Variants in INPP5B observed in about 807,000 individuals in gnomAD.
INPP5B encodes inositol polyphosphate-5-phosphatase B.
INPP5B carries 90 observed loss-of-function variants against 118.5 expected under a neutral mutation model. The ratio of observed to expected loss-of-function variants is 0.76; its 90% CI spans 0.64 to 0.90. INPP5B has a LOEUF of 0.90. INPP5B is among the 40% of genes least tolerant of loss of function. The probability of loss-of-function intolerance (pLI) is 0.00; values close to 1 mark genes in which losing one functional copy is unlikely to be tolerated. For missense variants in INPP5B, 984 were observed against 1,125.6 expected (o/e 0.87, Z 1.80); for synonymous variants, 385 against 418.9 (o/e 0.92, Z 0.99).
At chr1:37,874,695 C>T (rs139858097) in intron 17 of INPP5B, among the ~76,000 whole-genome samples, 174 of 152,268 alleles carry the variant, frequency 1.1e-3, no homozygotes, top group Non-Finnish European at 1.9e-3. Context: ...TACTGGGAGG[C>T]GGAGACAGGA....
At chr1:37,902,916 G>A (rs904767989) in intron 7 of INPP5B, among the ~76,000 whole-genome samples, 5 of 151,926 alleles carry the variant, frequency 3.3e-5, no homozygotes, top group East Asian at 1.9e-4. Flanking sequence ...CAGGGAGCTC[G>A]AGGCTGCAGT....
At chr1:37,927,615 C>G (rs1303795644) in intron 7 of INPP5B, among the ~76,000 whole-genome samples, 4 of 151,530 alleles carry the variant, frequency 2.6e-5, no homozygotes, top group African/African-American at 9.7e-5. Flanking sequence ...CAGCTCACTG[C>G]AAGCTCTGCC....
At chr1:37,862,502 A>T in intron 23 of INPP5B, 72 bp from the exon 24 acceptor site, 1 of 917,174 alleles carries the variant, frequency 1.1e-6, no homozygotes, top group Non-Finnish European at 1.8e-6. Flanking sequence ...ACTTAACGAC[A>T]GGGATATGTT....
intron 13 of INPP5B, chr1:37,883,146 C>T: frequency 1.0e-6 from 1 of 985,382 alleles, no homozygotes; most frequent in Non-Finnish European, 1.2e-6. Flanking sequence ...TTGTGTTCTC[C>T]TTAGCTATTT....
At position 37,862,424 on chromosome 1, in the gene INPP5B, A is replaced by G; in HGVS notation, c.2633T>C (p.Ile878Thr). ...GTTTCGAAGCAATAAGCTGCCAAAT[A>G]TGCTAGCTGCAAGAAAAAACACAGA... ...NHLDENILAS[I>T]FGSLLLRNPA... The change falls in exon 24 of 24, where the codon ATA becomes ACA. Residue 878 changes from isoleucine to threonine, a missense_variant. Coordinates refer to ENST00000373024, the MANE Select transcript of INPP5B (RefSeq NM_005540.3). 3 of 1,604,276 alleles carry G rather than the reference A, an allele frequency of 1.9e-6. No homozygotes were observed. Among genetic ancestry groups the G allele is most frequent in the Non-Finnish European group, 2.6e-6 (3 of 1,171,084 alleles).
chr1:37,931,856 C>T (rs1258239968), intron 7 of INPP5B, 57 bp downstream of exon 7: 1 of 1,611,620 alleles, frequency 6.2e-7, no homozygotes, highest in South Asian at 1.1e-5. Context: ...ACGGAGCCCG[C>T]CCCCTGTGGC....
chr1:37,928,196 A>G (rs1645312887), intron 7 of INPP5B, among the ~76,000 whole-genome samples: 1 of 151,902 alleles, frequency 6.6e-6, no homozygotes, highest in Non-Finnish European at 1.5e-5. Context: ...CTGAGGGGAC[A>G]GAGTCTTGCT....
intron 14 of INPP5B, among the ~76,000 whole-genome samples, chr1:37,882,152 A>G (rs1239446280): frequency 2.0e-5 from 3 of 152,158 alleles, no homozygotes; most frequent in African/African-American, 7.2e-5. Flanking sequence ...TACTAAGGTT[A>G]CTAAAAGGGA....
At chr1:37,892,896 T>C (rs2148527426) in intron 7 of INPP5B, among the ~76,000 whole-genome samples, 1 of 152,064 alleles carries the variant, frequency 6.6e-6, no homozygotes, top group East Asian at 1.9e-4. Flanking sequence ...GTTCCCCTTT[T>C]GCTATGTGAG....
At position 37,946,341 on chromosome 1, in the gene INPP5B, G is replaced by A. The variant is rs1646110945; in HGVS notation, c.-26-7C>T. 1.9e-6 allele frequency: 3 copies of A among 1,602,042 alleles called. No homozygotes were observed. The highest frequency in any genetic ancestry group is 1.1e-5 in the South Asian group (1 of 89,286). ...CCTGCTGAGCGCACACACCCTGTGG[G>A]AGGGGAGATAGGAGCCCCGCTTTGG... is the stretch of plus-strand genomic sequence containing the variant. On this transcript the variant is annotated splice_region_variant and splice_polypyrimidine_tract_variant and intron_variant, in intron 1 of 23. Transcript: ENST00000373024.
rs768219769 is a variant in INPP5B, at chr1:37,943,686, G to A, written c.251-17C>T. 8.1e-6 allele frequency: 13 copies of A among 1,613,890 alleles called. No homozygotes were observed. In the East Asian group the frequency reaches 1.8e-4, roughly 22 times the overall value. The stretch of plus-strand genomic sequence containing the variant: ...CTGGGGACACTGTGGGGAGGGAAAT[G>A]AGAATGCCCTTAGCAATTGAGCTTA... On this transcript the variant is annotated splice_polypyrimidine_tract_variant and intron_variant, in intron 4 of 23. Coordinates refer to ENST00000373024, the MANE Select transcript of INPP5B (RefSeq NM_005540.3).
chr1:37,892,963 T>C (rs550859038), intron 7 of INPP5B, among the ~76,000 whole-genome samples: 53 of 152,248 alleles, frequency 3.5e-4, no homozygotes, highest in African/African-American at 1.1e-3. Context: ...TCACCAGACA[T>C]TGAATCTGCC....
intron 23 of INPP5B, among the ~76,000 whole-genome samples, chr1:37,862,642 G>T (rs1395608269): frequency 6.6e-6 from 1 of 152,184 alleles, no homozygotes; most frequent in Non-Finnish European, 1.5e-5. Context: ...TGTACAGCAT[G>T]TTACTATACT....
At position 37,913,644 on chromosome 1, in the gene INPP5B, TC is replaced by T. The variant is rs1344628441; in HGVS notation, c.532+18268del. On this transcript the variant is annotated intron_variant, in intron 7 of 23. Coordinates refer to ENST00000373024, the MANE Select transcript of INPP5B (RefSeq NM_005540.3). Reference sequence around the variant, plus strand: ...CAGTTTAATCTCTCCCACTGTAGGTTCCCATGCCACCCCTAATCCTGCTCGA... The same window carrying T: ...CAGTTTAATCTCTCCCACTGTAGGTTCCATGCCACCCCTAATCCTGCTCGA... 1.3e-5 allele frequency among the ~76,000 whole-genome samples: 2 copies of T among 152,134 alleles called. 1 individual carries two copies. The highest frequency in any genetic ancestry group is 2.9e-5 in the Non-Finnish European group (2 of 68,038).
At chr1:37,934,604 AAG>A (rs1265418427) in intron 6 of INPP5B, among the ~76,000 whole-genome samples, 1 of 152,176 alleles carries the variant, frequency 6.6e-6, no homozygotes, top group Non-Finnish European at 1.5e-5. Context: ...GTGGATATCT[AAG>A]AGTCTGTCAA....
At chr1:37,877,203 G>A (rs1042004005) in intron 16 of INPP5B, among the ~76,000 whole-genome samples, 1 of 151,560 alleles carries the variant, frequency 6.6e-6, no homozygotes, top group African/African-American at 2.4e-5. Flanking sequence ...ATAGCCAGAC[G>A]TGGTGTAATG....
chr1:37,884,565 G>C (rs1217097802), intron 13 of INPP5B, among the ~76,000 whole-genome samples: 1 of 152,076 alleles, frequency 6.6e-6, no homozygotes, highest in East Asian at 1.9e-4. Flanking sequence ...TAACAGGCAT[G>C]AACTACTGCA....
intron 20 of INPP5B, among the ~76,000 whole-genome samples, chr1:37,867,288 C>G (rs1642105758): frequency 6.6e-6 from 1 of 152,112 alleles, no homozygotes; most frequent in Non-Finnish European, 1.5e-5. Flanking sequence ...ACTTTATGTT[C>G]ATTTGTTTTA....
rs1644006657 is a variant in INPP5B, at chr1:37,895,651, T to G, written c.533-4197A>C. 2.0e-5 allele frequency among the ~76,000 whole-genome samples: 3 copies of G among 152,134 alleles called. No individual in the cohort carries two copies. The South Asian group carries it at 6.2e-4, about 32-fold the overall frequency. ...CCTCAGCTTGCCGAGTGCCTGCGAT[T>G]GCAGGCGCGCGCCGCCACGCCTGAC... is the stretch of plus-strand genomic sequence containing the variant. On this transcript the variant is annotated intron_variant, in intron 7 of 23. Transcript: ENST00000373024.
Sources: gnomAD v4.1 joint callset for allele counts (sites outside exome capture counted in the v4.1 genomes callset) on GRCh38, gnomAD v4.1.1 for gene constraint, MANE v1.5 for transcripts, NCBI Gene and HGNC (gene_info 2026-07-23, HGNC 2026-07-21) for gene names.